CTNND2: variants seen among roughly 807,000 people sequenced by gnomAD.
CTNND2 encodes catenin delta-2.
CTNND2 carries 22 observed loss-of-function variants against 144.4 expected under a neutral mutation model. That is an observed-to-expected ratio of 0.15 (90% CI 0.11 to 0.22). CTNND2 has a LOEUF of 0.22. Ranked by LOEUF, CTNND2 falls within the 10% of genes least tolerant of loss-of-function variation. The pLI, the probability that CTNND2 is intolerant of heterozygous loss-of-function variation, is 1.00. For synonymous variants in CTNND2, 751 were observed against 695.6 expected, an observed-to-expected ratio of 1.08 and a Z score of -1.25; for missense variants, 1,353 against 1,618.8, an observed-to-expected ratio of 0.84 and a Z score of 2.82.
intron 1 of CTNND2, among the ~76,000 whole-genome samples, chr5:11,868,176 C>T (rs73052520): frequency 0.031 from 4,713 of 152,032 alleles, 231 homozygotes; most frequent in African/African-American, 0.1. Flanking sequence ...ATGCAGCCAC[C>T]ATCCCAGCTG....
intron 1 of CTNND2, among the ~76,000 whole-genome samples, chr5:11,797,467 C>CA (rs1386981613): frequency 1.3e-5 from 2 of 152,048 alleles, no homozygotes; most frequent in African/African-American, 4.8e-5. Flanking sequence ...AAATTGTGAT[C>CA]AAAGACAAAA....
intron 3 of CTNND2, among the ~76,000 whole-genome samples, chr5:11,544,609 G>T (rs574890728): frequency 2.8e-4 from 43 of 152,320 alleles, no homozygotes; most frequent in South Asian, 1.0e-3. Context: ...AGCAAAAAAG[G>T]AATGAACTAT....
intron 16 of CTNND2, among the ~76,000 whole-genome samples, chr5:11,066,345 A>G (rs982598881): frequency 1.3e-5 from 2 of 152,238 alleles, no homozygotes; most frequent in African/African-American, 4.8e-5. Flanking sequence ...GCCTTCCACA[A>G]TCTTTTAACT....
chr5:11,466,582 T>C (rs1182890449), intron 3 of CTNND2, among the ~76,000 whole-genome samples: 1 of 152,246 alleles, frequency 6.6e-6, no homozygotes, highest in Admixed American at 6.5e-5. Context: ...CTCTTCCTTT[T>C]TTAAAAAGTT....
chr5:11,879,148 G>A (rs538311375), intron 1 of CTNND2, among the ~76,000 whole-genome samples: 6 of 151,762 alleles, frequency 4.0e-5, no homozygotes, highest in Non-Finnish European at 5.9e-5. Flanking sequence ...CCAAGTACTC[G>A]GGACAGATGT....
chr5:11,347,256 C>T (rs1214426523), intron 8 of CTNND2, among the ~76,000 whole-genome samples: 1 of 152,182 alleles, frequency 6.6e-6, no homozygotes, highest in East Asian at 1.9e-4. Flanking sequence ...TCAAGTGAAG[C>T]TGTCACAGAA....
chr5:11,761,039 T>C (rs1278359437), intron 1 of CTNND2, among the ~76,000 whole-genome samples: 1 of 152,178 alleles, frequency 6.6e-6, no homozygotes, highest in African/African-American at 2.4e-5. Context: ...AGTCATTTAT[T>C]AACTTAATTA....
intron 3 of CTNND2, among the ~76,000 whole-genome samples, chr5:11,474,195 A>G (rs1767500694): frequency 2.0e-5 from 3 of 152,254 alleles, no homozygotes; most frequent in Non-Finnish European, 4.4e-5. Flanking sequence ...TATGATTTAT[A>G]TGATTAAAAC....
intron 1 of CTNND2, among the ~76,000 whole-genome samples, chr5:11,752,534 T>C (rs1281139477): frequency 6.6e-6 from 1 of 151,678 alleles, no homozygotes; most frequent in African/African-American, 2.4e-5. Flanking sequence ...CTGGTCTATG[T>C]GTCTGTTCTT....
At chr5:11,359,482 G>A (rs1756227375) in intron 8 of CTNND2, among the ~76,000 whole-genome samples, 1 of 152,234 alleles carries the variant, frequency 6.6e-6, no homozygotes, top group African/African-American at 2.4e-5. Context: ...CTGGTGATGG[G>A]TACTCTCCGG....
intron 2 of CTNND2, among the ~76,000 whole-genome samples, chr5:11,714,970 T>C (rs1786271873): frequency 6.6e-6 from 1 of 151,908 alleles, no homozygotes; most frequent in Non-Finnish European, 1.5e-5. Flanking sequence ...TGTACGTGTA[T>C]TGCGATACAT....
intron 3 of CTNND2, among the ~76,000 whole-genome samples, chr5:11,530,474 T>C (rs1773653481): frequency 6.6e-6 from 1 of 152,154 alleles, no homozygotes; most frequent in Non-Finnish European, 1.5e-5. Context: ...CCGTAGTTAA[T>C]TTCCAGGAGG....
chr5:11,903,183 G>A lies in CTNND2; in HGVS notation c.37+634C>T. 1 of 985,380 alleles carries A rather than the reference G, an allele frequency of 1.0e-6. No homozygotes were observed. Among genetic ancestry groups the A allele is most frequent in the Non-Finnish European group, 1.2e-6 (1 of 829,926 alleles). 61.0% of individuals were successfully genotyped at this position (985,380 alleles called of 1,614,324 possible). The stretch of plus-strand genomic sequence containing the variant: ...ACAGCCTTCCAAACCTGGCTTTCAG[G>A]CGGCGCTTTCTGGAGCCTGGCTGTC... On this transcript the variant is annotated intron_variant, in intron 1 of 21. Transcript: ENST00000304623. The surrounding 1 kb of genome is among the most constrained non-coding windows in gnomAD (Gnocchi z 5.4).
At chr5:11,694,564 CAGTT>C (rs1398323561) in intron 2 of CTNND2, among the ~76,000 whole-genome samples, 5 of 152,168 alleles carry the variant, frequency 3.3e-5, no homozygotes, top group Non-Finnish European at 5.9e-5. Flanking sequence ...TCTGAGGCCT[CAGTT>C]AGGTACATGT....
chr5:11,106,657 A>C (rs1176558373), intron 14 of CTNND2, among the ~76,000 whole-genome samples: 1 of 152,196 alleles, frequency 6.6e-6, no homozygotes, highest in East Asian at 1.9e-4. Context: ...CACTGGTAAG[A>C]GACTCCTCCT....
At chr5:11,821,049 T>C (rs1022120474) in intron 1 of CTNND2, among the ~76,000 whole-genome samples, 5 of 152,232 alleles carry the variant, frequency 3.3e-5, no homozygotes, top group Non-Finnish European at 5.9e-5. Context: ...TAATTCACAT[T>C]GATTTTTTGG....
intron 12 of CTNND2, among the ~76,000 whole-genome samples, chr5:11,133,678 C>T (rs897998051): frequency 2.3e-4 from 35 of 152,280 alleles, no homozygotes; most frequent in African/African-American, 7.7e-4. Context: ...AAAGAAATTT[C>T]TGGAAGGCTT....
intron 9 of CTNND2, among the ~76,000 whole-genome samples, chr5:11,271,282 C>G (rs1470524670): frequency 6.6e-6 from 1 of 152,108 alleles, no homozygotes; most frequent in Non-Finnish European, 1.5e-5. Context: ...TAAAAAATGA[C>G]TATCAAACAT....
At chr5:11,137,824 G>C (rs1191418429) in intron 12 of CTNND2, among the ~76,000 whole-genome samples, 1 of 152,200 alleles carries the variant, frequency 6.6e-6, no homozygotes, top group African/African-American at 2.4e-5. Context: ...TATGAAATTA[G>C]AGGTATTTAA....
Sources: allele counts gnomAD v4.1 joint callset (sites outside exome capture counted in the v4.1 genomes callset), GRCh38; gene constraint gnomAD v4.1.1; non-coding constraint Gnocchi (gnomAD v3.1); transcripts MANE v1.5; gene names NCBI Gene and HGNC (gene_info 2026-07-23, HGNC 2026-07-21).